Variants in CDH12 observed in about 807,000 individuals in gnomAD.
CDH12 encodes the protein cadherin 12.
A neutral mutation model predicts 74.1 loss-of-function variants in CDH12; 41 were observed. That is an observed-to-expected ratio of 0.55 (90% CI 0.43 to 0.72). The LOEUF is 0.72. CDH12 is among the 30% of genes least tolerant of loss of function. The pLI, the probability that CDH12 is intolerant of heterozygous loss-of-function variation, is 0.00. For synonymous variants in CDH12, 399 were observed against 355.0 expected (o/e 1.12, Z -1.39); for missense variants, 945 against 977.2 (o/e 0.97, Z 0.44).
At chr5:22,677,418 G>C (rs1406989268) in intron 1 of CDH12, among the ~76,000 whole-genome samples, 1 of 151,618 alleles carries the variant, frequency 6.6e-6, no homozygotes, top group Non-Finnish European at 1.5e-5. Flanking sequence ...CTCAGAGACA[G>C]CGCTTTCCAG....
At chr5:22,577,735 G>T (rs1739864418) in intron 1 of CDH12, among the ~76,000 whole-genome samples, 1 of 152,110 alleles carries the variant, frequency 6.6e-6, no homozygotes, top group South Asian at 2.1e-4. Flanking sequence ...GAAACATACT[G>T]GATTACTGTT....
chr5:21,892,788 AG>A (rs1220168794), intron 6 of CDH12, among the ~76,000 whole-genome samples: 6 of 152,182 alleles, frequency 3.9e-5, no homozygotes, highest in Admixed American at 1.3e-4. Flanking sequence ...ATTTGGTTTC[AG>A]GAAAAGCAAA....
At position 21,880,532 on chromosome 5, in the gene CDH12, T is replaced by TC. The variant is rs1321607832; in HGVS notation, c.527-25743dup. 1.2e-4 allele frequency among the ~76,000 whole-genome samples: 15 copies of TC among 121,028 alleles called. 3 individuals carry two copies. The highest frequency in any genetic ancestry group is 2.4e-4 in the Non-Finnish European group (13 of 55,042). The allele number at this position is 121,028 out of a possible 152,430, so 79.4% of individuals were successfully genotyped here. On this transcript the variant is annotated intron_variant, in intron 6 of 14. Coordinates refer to ENST00000382254, the MANE Select transcript of CDH12 (RefSeq NM_004061.5). ...CTCCCTCCCTCTTTTCTTTCTTCCT[T>TC]CTTTTCCTTCCTTCCTTCCTTCCTT... is the stretch of plus-strand genomic sequence containing the variant.
chr5:22,343,323 CAGAGAGAGAGAGAG>C lies in CDH12; in HGVS notation c.-333+61920_-333+61933del, dbSNP rs377016972. Among the ~76,000 whole-genome samples the C allele has an allele frequency of 3.8e-3, 518 of 136,332 alleles. 7 individuals carry two copies. The highest frequency in any genetic ancestry group is 0.013 in the African/African-American group (450 of 34,486). The allele number at this position is 136,332 out of a possible 152,430, so 89.4% of individuals were successfully genotyped here. A position where few individuals can be genotyped will look rare whatever the true frequency, so the allele number is the denominator to read the frequency against. On this transcript the variant is annotated intron_variant, in intron 3 of 14. Transcript: ENST00000382254. Reference sequence around the variant, plus strand: ...ACACACACACACACAGACACACACACAGAGAGAGAGAGAGAGAGAGAGAGAGAGAGAGAGAGAGA... The same window carrying C: ...ACACACACACACACAGACACACACACAGAGAGAGAGAGAGAGAGAGAGAGA...
At chr5:22,426,758 T>C (rs914867561) in intron 2 of CDH12, among the ~76,000 whole-genome samples, 1 of 152,206 alleles carries the variant, frequency 6.6e-6, no homozygotes, top group Admixed American at 6.5e-5. Context: ...TAGTTAGTTA[T>C]ATCACCACAG....
intron 1 of CDH12, among the ~76,000 whole-genome samples, chr5:22,837,254 C>T (rs935666943): frequency 5.9e-5 from 9 of 151,698 alleles, no homozygotes; most frequent in African/African-American, 1.2e-4. Flanking sequence ...CCTGTTTCTA[C>T]GAACAAAAAT....
At chr5:22,709,658 C>T (rs960943911) in intron 1 of CDH12, among the ~76,000 whole-genome samples, 1 of 152,006 alleles carries the variant, frequency 6.6e-6, no homozygotes, top group East Asian at 1.9e-4. Flanking sequence ...CCACCTTCAC[C>T]GAATACAATA....
intron 7 of CDH12, among the ~76,000 whole-genome samples, chr5:21,847,671 A>T (rs1220195941): frequency 6.6e-6 from 1 of 152,030 alleles, no homozygotes; most frequent in Non-Finnish European, 1.5e-5. Flanking sequence ...CCTCATCTCC[A>T]CTATATGTGA....
chr5:22,705,130 T>TACAC (rs1554060406), intron 1 of CDH12, among the ~76,000 whole-genome samples: 3,078 of 125,538 alleles, frequency 0.025, 148 homozygotes, highest in African/African-American at 0.087. Context: ...TATATATATA[T>TACAC]ACACACACAC....
rs193174767 is a variant in CDH12 at position 22,153,679 on chromosome 5, A to G, written c.-187+58819T>C. Among the ~76,000 whole-genome samples, 93 of 149,478 alleles carry G rather than the reference A, an allele frequency of 6.2e-4. 1 individual carries two copies. In the East Asian group the frequency reaches 0.013, roughly 20 times the overall value. On this transcript the variant is annotated intron_variant, in intron 4 of 14. Transcript: ENST00000382254. ...AGACCAAATGAGAAACTTGATGTAA[A>G]TAGGAACCTAATGCCTGGTACATAG...
intron 4 of CDH12, chr5:22,212,110 A>G (rs2150363085): frequency 6.6e-6 from 1 of 152,002 alleles, no homozygotes; most frequent in African/African-American, 2.4e-5. Flanking sequence ...CGCATTTGCA[A>G]ATTTTCTTTC....
At chr5:22,341,901 G>C (rs1284592440) in intron 3 of CDH12, among the ~76,000 whole-genome samples, 2 of 151,966 alleles carry the variant, frequency 1.3e-5, no homozygotes, top group Non-Finnish European at 2.9e-5. Flanking sequence ...AAAAGATGGA[G>C]AGAGTGTCTT....
At chr5:22,816,209 C>T (rs1270025641) in intron 1 of CDH12, among the ~76,000 whole-genome samples, 1 of 152,070 alleles carries the variant, frequency 6.6e-6, no homozygotes, top group Non-Finnish European at 1.5e-5. Context: ...AAAACTTGAA[C>T]GAGGTTGATT....
At chr5:22,342,967 G>C (rs1205346921) in intron 3 of CDH12, among the ~76,000 whole-genome samples, 1 of 151,926 alleles carries the variant, frequency 6.6e-6, no homozygotes, top group East Asian at 1.9e-4. Flanking sequence ...TTGTGTCTCT[G>C]CCTCAGCCTC....
At chr5:22,068,074 A>T (rs2150213327) in intron 5 of CDH12, among the ~76,000 whole-genome samples, 1 of 152,266 alleles carries the variant, frequency 6.6e-6, no homozygotes, top group Non-Finnish European at 1.5e-5. Flanking sequence ...ATGGCACACC[A>T]ACTTCCTATG....
intron 5 of CDH12, among the ~76,000 whole-genome samples, chr5:22,028,755 A>C (rs547912878): frequency 6.6e-6 from 1 of 152,294 alleles, no homozygotes; most frequent in South Asian, 2.1e-4. Context: ...GAATTGGAAA[A>C]AACTACTTTA....
chr5:22,112,648 T>G (rs1352202408), intron 4 of CDH12, among the ~76,000 whole-genome samples: 2 of 151,170 alleles, frequency 1.3e-5, no homozygotes, highest in African/African-American at 4.9e-5. Context: ...TAAGATAATA[T>G]CGATCTCCAA....
chr5:21,989,248 T>G (rs937296424), intron 5 of CDH12, among the ~76,000 whole-genome samples: 6 of 152,188 alleles, frequency 3.9e-5, no homozygotes, highest in African/African-American at 1.4e-4. Flanking sequence ...CTAAATACGT[T>G]TTAAGAAATC....
intron 3 of CDH12, among the ~76,000 whole-genome samples, chr5:22,331,036 T>C (rs1041003203): frequency 6.6e-5 from 10 of 152,064 alleles, no homozygotes; most frequent in Non-Finnish European, 2.9e-5. Flanking sequence ...TGGGTTGTTG[T>C]TGGTGGTGGC....
Sources: gnomAD v4.1 joint callset for allele counts (sites outside exome capture counted in the v4.1 genomes callset) on GRCh38, gnomAD v4.1.1 for gene constraint, MANE v1.5 for transcripts, NCBI Gene and HGNC (gene_info 2026-07-23, HGNC 2026-07-21) for gene names.